PPP1R9A: variants seen among roughly 807,000 people sequenced by gnomAD.
PPP1R9A encodes neurabin-1.
In PPP1R9A, 59 loss-of-function variants were observed where a neutral mutation model predicts 141.9. That is an observed-to-expected ratio of 0.42 (90% CI 0.34 to 0.52). The LOEUF is 0.52. PPP1R9A is among the 20% of genes least tolerant of loss of function. PPP1R9A has a pLI of 0.10. For synonymous variants in PPP1R9A, 500 were observed against 569.7 expected, an observed-to-expected ratio of 0.88 and a Z score of 1.74; for missense variants, 1,444 against 1,611.9, an observed-to-expected ratio of 0.90 and a Z score of 1.78.
chr7:95,003,912 A>G (rs574835186), intron 2 of PPP1R9A, among the ~76,000 whole-genome samples: 1 of 152,154 alleles, frequency 6.6e-6, no homozygotes, highest in Non-Finnish European at 1.5e-5. Context: ...TAGATTAGCT[A>G]CCCATCTGTA....
chr7:95,106,335 T>C, intron 2 of PPP1R9A, among the ~76,000 whole-genome samples: 1 of 152,202 alleles, frequency 6.6e-6, no homozygotes, highest in Non-Finnish European at 1.5e-5. Flanking sequence ...ACTTGGCAAG[T>C]GCTACATAGC....
chr7:94,907,590 C>G (rs554148302), upstream of PPP1R9A: 5 of 152,356 alleles, frequency 3.3e-5, no homozygotes, highest in African/African-American at 1.2e-4. Flanking sequence ...CGCCTCGGGC[C>G]GGTGCTTTTC....
rs550548904 is a variant in PPP1R9A, at chr7:95,088,764, G to A, written c.1396-22495G>A. Among the ~76,000 whole-genome samples, 10 of 152,046 alleles carry A rather than the reference G, an allele frequency of 6.6e-5. No individual in the cohort carries two copies. In the South Asian group the frequency reaches 2.1e-3, roughly 31 times the overall value. On this transcript the variant is annotated intron_variant, in intron 2 of 19. Coordinates refer to ENST00000433360, the MANE Select transcript of PPP1R9A (RefSeq NM_001166160.2). ...GTGATGTGAGTAAGTGGGAGGACCT[G>A]GAGGCATACACTAATGGATATCTCT...
rs530246730 is a variant in PPP1R9A, at chr7:95,150,312, T to C, written c.1650-11555T>C. On this transcript the variant is annotated intron_variant, in intron 4 of 19. Coordinates refer to ENST00000433360, the MANE Select transcript of PPP1R9A (RefSeq NM_001166160.2). Reference sequence around the variant, plus strand: ...TAGGTATGGCAATGACTTTTTATTTTTTATTTTTGAGACGGAGTCTTGCTC... The same window carrying C: ...TAGGTATGGCAATGACTTTTTATTTCTTATTTTTGAGACGGAGTCTTGCTC... Among the ~76,000 whole-genome samples the C allele has an allele frequency of 5.9e-5, 9 of 152,296 alleles. No individual in the cohort carries two copies. In the South Asian group the frequency reaches 1.9e-3, roughly 32 times the overall value.
At chr7:95,272,922 C>A (rs1489594510) in intron 14 of PPP1R9A, among the ~76,000 whole-genome samples, 1 of 152,128 alleles carries the variant, frequency 6.6e-6, no homozygotes, top group Non-Finnish European at 1.5e-5. Flanking sequence ...GAGTTTCACA[C>A]ATAAAAAACA....
rs1381980684 is a variant in PPP1R9A at position 95,284,201 on chromosome 7, T to C, written c.3480T>C (p.Asp1160=). ...CTTCTCCTGAGACTCTAATTTCAGA[T>C]AAAAAGGGGTCCAAGGTAGAAAACA... ...LQPSPETLIS[D]KKGSKVENTW... Residue 1160 remains aspartate (D), a synonymous_variant, in exon 17 of 20, where the codon GAT becomes GAC. Coordinates refer to ENST00000433360, the MANE Select transcript of PPP1R9A (RefSeq NM_001166160.2). 6.3e-7 allele frequency: 1 copy of C among 1,577,562 alleles called. No homozygotes were observed. The highest frequency in any genetic ancestry group is 8.6e-7 in the Non-Finnish European group (1 of 1,160,016).
At chr7:95,007,197 G>T (rs559230312) in intron 2 of PPP1R9A, among the ~76,000 whole-genome samples, 1 of 152,078 alleles carries the variant, frequency 6.6e-6, no homozygotes, top group Admixed American at 6.6e-5. Flanking sequence ...TAAATTTTAG[G>T]TGCCTCATTG....
At position 95,286,297 on chromosome 7, in the gene PPP1R9A, C is replaced by A. The variant is rs1353350201; in HGVS notation, c.3701C>A (p.Ser1234Tyr). The change falls in exon 18 of 20, where the codon TCT becomes TAT. Residue 1234 changes from serine to tyrosine, a missense_variant. Coordinates refer to ENST00000433360, the MANE Select transcript of PPP1R9A (RefSeq NM_001166160.2). ...GCAGAACCTAAAACACCAGGGCTCT[C>A]TCAGTCCTTAGCACTGTCATCAGAT... is the stretch of plus-strand genomic sequence containing the variant. The part of the protein sequence containing the change: ...LGAEPKTPGL[S>Y]QSLALSSDEI... 1 of 1,613,406 alleles carries A rather than the reference C, an allele frequency of 6.2e-7. No individual in the cohort carries two copies. Among genetic ancestry groups the A allele is most frequent in the Admixed American group, 1.7e-5 (1 of 59,954 alleles).
At chr7:95,164,854 G>T (rs537869101) in intron 5 of PPP1R9A, among the ~76,000 whole-genome samples, 1 of 146,550 alleles carries the variant, frequency 6.8e-6, no homozygotes, top group African/African-American at 2.5e-5. Context: ...CTTAAGAATA[G>T]TATATCCAGC....
In PPP1R9A at chr7:94,952,212, T is replaced by C. The variant is rs149163655; in HGVS notation, c.1395+40704T>C. Reference sequence around the variant, plus strand: ...AGTGAGAACATGCGGTATTTGGTTTTCTGTCCCTGTGTTAGTTTGCTGAGA... The same window carrying C: ...AGTGAGAACATGCGGTATTTGGTTTCCTGTCCCTGTGTTAGTTTGCTGAGA... On this transcript the variant is annotated intron_variant, in intron 2 of 19. Transcript: ENST00000433360. Among the ~76,000 whole-genome samples, 987 of 152,298 alleles carry C rather than the reference T, an allele frequency of 6.5e-3. 13 individuals carry two copies. Among genetic ancestry groups the C allele is most frequent in the African/African-American group, 0.023 (942 of 41,558 alleles).
chr7:94,932,832 A>G (rs1025271149), intron 2 of PPP1R9A, among the ~76,000 whole-genome samples: 4 of 140,948 alleles, frequency 2.8e-5, no homozygotes, highest in Non-Finnish European at 4.5e-5. Context: ...TCCACTATGC[A>G]TTCTCCCGTG....
chr7:95,290,003 G>A, intron 19 of PPP1R9A, 88 bp from the exon 20 acceptor site: 2 of 1,543,180 alleles, frequency 1.3e-6, no homozygotes, highest in Non-Finnish European at 1.7e-6. Context: ...GTTTGAATTA[G>A]TTTACGAACT....
At chr7:94,968,790 G>A (rs555524899) in intron 2 of PPP1R9A, among the ~76,000 whole-genome samples, 70 of 152,174 alleles carry the variant, frequency 4.6e-4, no homozygotes, top group Non-Finnish European at 8.7e-4. Context: ...TCAAATGTAG[G>A]TTTGGTCTTT....
At chr7:94,993,808 C>T (rs1801815356) in intron 2 of PPP1R9A, among the ~76,000 whole-genome samples, 2 of 152,058 alleles carry the variant, frequency 1.3e-5, no homozygotes, top group African/African-American at 2.4e-5. Flanking sequence ...ACCCAGACTG[C>T]CATGTTGTCT....
chr7:95,197,758 C>T (rs747797127), intron 5 of PPP1R9A, among the ~76,000 whole-genome samples: 5 of 152,126 alleles, frequency 3.3e-5, no homozygotes, highest in African/African-American at 4.8e-5. Flanking sequence ...AAACGATTCT[C>T]CTGCCTCAGC....
At chr7:94,987,665 T>C (rs1480963075) in intron 2 of PPP1R9A, among the ~76,000 whole-genome samples, 4 of 152,182 alleles carry the variant, frequency 2.6e-5, no homozygotes, top group Admixed American at 1.3e-4. Context: ...AAATTATTTA[T>C]AGTGGTATGG....
At chr7:95,261,788 A>G (rs1800466515) in intron 12 of PPP1R9A, among the ~76,000 whole-genome samples, 1 of 152,196 alleles carries the variant, frequency 6.6e-6, no homozygotes, top group African/African-American at 2.4e-5. Context: ...ACTATTAAGT[A>G]CTATTACTAG....
chr7:95,254,260 G>A (rs1563507128), intron 12 of PPP1R9A, among the ~76,000 whole-genome samples: 1 of 152,156 alleles, frequency 6.6e-6, no homozygotes, highest in Non-Finnish European at 1.5e-5. Flanking sequence ...TTGCTGTGAG[G>A]ACAGTCAGTG....
At chr7:95,190,812 G>C (rs1835389360) in intron 5 of PPP1R9A, among the ~76,000 whole-genome samples, 1 of 152,160 alleles carries the variant, frequency 6.6e-6, no homozygotes, top group Non-Finnish European at 1.5e-5. Flanking sequence ...CACATTGTGA[G>C]TCCCCACACA....
Sources: gnomAD v4.1 joint callset for allele counts (sites outside exome capture counted in the v4.1 genomes callset) on GRCh38, gnomAD v4.1.1 for gene constraint, MANE v1.5 for transcripts, NCBI Gene and HGNC (gene_info 2026-07-23, HGNC 2026-07-21) for gene names.